The following DDX10 variants were observed in gnomAD, a reference collection of about 807,000 sequenced individuals.
DDX10 encodes DEAD-box helicase 10, also known as probable ATP-dependent RNA helicase DDX10.
DDX10 carries 74 observed loss-of-function variants against 104.3 expected under a neutral mutation model. The ratio of observed to expected loss-of-function variants is 0.71; its 90% CI spans 0.59 to 0.86. The LOEUF is 0.86. Among genes scored for constraint, DDX10 ranks in the 40% least tolerant of loss-of-function variants. The probability of loss-of-function intolerance (pLI) is 0.00; values close to 1 mark genes in which losing one functional copy is unlikely to be tolerated. For synonymous variants in DDX10, 351 were observed against 353.4 expected (o/e 0.99, Z 0.08); for missense variants, 952 against 1,040.0 (o/e 0.92, Z 1.16).
intron 6 of DDX10, among the ~76,000 whole-genome samples, chr11:108,682,514 A>G (rs186575719): frequency 5.9e-5 from 9 of 152,216 alleles, no homozygotes; most frequent in African/African-American, 7.2e-5. Flanking sequence ...TTTACACCCT[A>G]TGTTTTTAGA....
At position 108,876,808 on chromosome 11, in the gene DDX10, C is replaced by T. The variant is rs560268849; in HGVS notation, c.2304+24599C>T. Among the ~76,000 whole-genome samples, 11 of 152,108 alleles carry T rather than the reference C, an allele frequency of 7.2e-5. No individual in the cohort carries two copies. In the South Asian group the frequency reaches 2.3e-3, roughly 32 times the overall value. ...GAAATCACATCCTTTTTTTGATTAT[C>T]TTAGAAGTCATATCAAAGACCAGCA... On this transcript the variant is annotated intron_variant, in intron 16 of 17. Transcript: ENST00000322536.
intron 2 of DDX10, among the ~76,000 whole-genome samples, chr11:108,675,303 A>G (rs1165127259): frequency 6.6e-6 from 1 of 152,224 alleles, no homozygotes; most frequent in African/African-American, 2.4e-5. Flanking sequence ...GGTGGATCAC[A>G]GAATAACTTG....
chr11:108,940,208 C>T, intron 17 of DDX10, 38 bp from the exon 18 acceptor site: 1 of 1,595,690 alleles, frequency 6.3e-7, no homozygotes, highest in East Asian at 2.2e-5. Context: ...TGATTTCATA[C>T]TGAGTCTAAA....
intron 16 of DDX10, among the ~76,000 whole-genome samples, chr11:108,917,453 A>G (rs908231437): frequency 1.3e-5 from 2 of 152,026 alleles, no homozygotes; most frequent in African/African-American, 2.4e-5. Flanking sequence ...TGCAATGGCT[A>G]TTCACAGGCG....
At chr11:108,720,333 A>T (rs1187234409) in intron 12 of DDX10, among the ~76,000 whole-genome samples, 1 of 152,190 alleles carries the variant, frequency 6.6e-6, no homozygotes, top group Non-Finnish European at 1.5e-5. Flanking sequence ...TGAAATCTTT[A>T]AGTGTCTATA....
At chr11:108,933,070 G>C (rs9888148) in intron 17 of DDX10, among the ~76,000 whole-genome samples, 6,125 of 151,978 alleles carry the variant, frequency 0.04, 552 homozygotes, top group African/African-American at 0.14. Context: ...AAGGGGTAGG[G>C]GCCACTGCAA....
chr11:108,708,907 A>G (rs1027589776), intron 10 of DDX10, among the ~76,000 whole-genome samples: 2 of 152,184 alleles, frequency 1.3e-5, no homozygotes, highest in African/African-American at 4.8e-5. Context: ...TTTGTGATAA[A>G]AACAGGAAAG....
At chr11:108,687,343 G>A (rs538872244) in intron 6 of DDX10, among the ~76,000 whole-genome samples, 5 of 152,214 alleles carry the variant, frequency 3.3e-5, no homozygotes, top group Admixed American at 1.3e-4. Flanking sequence ...GTCTTACTCT[G>A]TCACCCAGGC....
At chr11:108,729,995 CTGGATCCATTAGTTCTAA>C (rs2094310051) in intron 13 of DDX10, 1 of 153,942 alleles carries the variant, frequency 6.5e-6, no homozygotes, top group African/African-American at 2.4e-5. Context: ...ATCGTGGATT[CTGGATCCATTAGTTCTAA>C]TGGATCAATT....
intron 13 of DDX10, among the ~76,000 whole-genome samples, chr11:108,746,140 C>T (rs183058306): frequency 2.0e-5 from 3 of 152,110 alleles, no homozygotes; most frequent in African/African-American, 4.8e-5. Context: ...TTATTCTAGA[C>T]GTAAGTAAAT....
chr11:108,743,660 G>A (rs1255909893), intron 13 of DDX10, among the ~76,000 whole-genome samples: 1 of 152,200 alleles, frequency 6.6e-6, no homozygotes, highest in Non-Finnish European at 1.5e-5. Context: ...TTGGACCTAA[G>A]TGTTTATATG....
intron 16 of DDX10, among the ~76,000 whole-genome samples, chr11:108,869,233 T>C (rs1297905820): frequency 2.0e-5 from 3 of 151,914 alleles, no homozygotes. Flanking sequence ...TTTAGTTATC[T>C]TGTAAAATTC....
intron 13 of DDX10, among the ~76,000 whole-genome samples, chr11:108,832,113 T>A (rs554862104): frequency 6.6e-6 from 1 of 152,152 alleles, no homozygotes; most frequent in Non-Finnish European, 1.5e-5. Flanking sequence ...TGTCAAAAAA[T>A]ATAACTCCTA....
chr11:108,713,179 A>G (rs1427313299), intron 10 of DDX10, among the ~76,000 whole-genome samples: 1 of 151,944 alleles, frequency 6.6e-6, no homozygotes, highest in African/African-American at 2.4e-5. Flanking sequence ...TCGCTTGGGC[A>G]TTTGTCCTGC....
At chr11:108,802,035 GTT>G (rs1491298273) in intron 13 of DDX10, among the ~76,000 whole-genome samples, 11 of 150,842 alleles carry the variant, frequency 7.3e-5, no homozygotes, top group African/African-American at 2.7e-4. Context: ...GTGTGTGTGT[GTT>G]TGTGTGTATG....
chr11:108,742,421 T>G (rs1408146091), intron 13 of DDX10, among the ~76,000 whole-genome samples: 1 of 151,298 alleles, frequency 6.6e-6, no homozygotes, highest in Non-Finnish European at 1.5e-5. Context: ...AAAAATCAGC[T>G]GGGTGTGGTG....
chr11:108,702,406 A>G (rs1163676389), intron 9 of DDX10, among the ~76,000 whole-genome samples: 5 of 152,230 alleles, frequency 3.3e-5, no homozygotes, highest in Non-Finnish European at 7.3e-5. Context: ...AACCAGGCTA[A>G]GAGAACTGAG....
chr11:108,841,883 C>T (rs1862643562), intron 15 of DDX10, among the ~76,000 whole-genome samples: 1 of 152,072 alleles, frequency 6.6e-6, no homozygotes, highest in East Asian at 1.9e-4. Context: ...GCTTTTTTCA[C>T]TCAGCATTAT....
intron 5 of DDX10, among the ~76,000 whole-genome samples, chr11:108,678,908 C>CAACA (rs1565243764): frequency 9.7e-6 from 1 of 103,616 alleles, no homozygotes; most frequent in African/African-American, 3.3e-5. Flanking sequence ...TACAGAGTTT[C>CAACA]GCTCTGTTGC....
Sources: gnomAD v4.1 joint callset for allele counts (sites outside exome capture counted in the v4.1 genomes callset) on GRCh38, gnomAD v4.1.1 for gene constraint, MANE v1.5 for transcripts, NCBI Gene and HGNC (gene_info 2026-07-23, HGNC 2026-07-21) for gene names.